Variants in MYPN observed in about 807,000 individuals in gnomAD.
The protein encoded by MYPN is sarcomeric protein myopalladin, 145 kDa (MYOP).
A neutral mutation model predicts 129.4 loss-of-function variants in MYPN; 63 were observed. The observed-to-expected ratio is 0.49, with a 90% CI of 0.40 to 0.60. The LOEUF is 0.60. Among genes scored for constraint, MYPN ranks in the 20% least tolerant of loss-of-function variants. The pLI is 0.00. For missense variants in MYPN, 1,596 were observed against 1,635.4 expected (o/e 0.98, Z 0.42); for synonymous variants, 629 against 600.9 (o/e 1.05, Z -0.68).
At chr10:68,123,683 C>CAATAAATA (rs58776013) in intron 2 of MYPN, among the ~76,000 whole-genome samples, 6,891 of 139,602 alleles carry the variant, frequency 0.049, 230 homozygotes, top group African/African-American at 0.1. Context: ...GAGACTCCTT[C>CAATAAATA]AATAAATAAA....
intron 8 of MYPN, 131 bp downstream of exon 8, chr10:68,161,883 C>T (rs1028254480): frequency 1.2e-5 from 9 of 720,392 alleles, no homozygotes; most frequent in Admixed American, 5.5e-5. Flanking sequence ...TCCAAATGGG[C>T]CGGGTGCAGT....
At chr10:68,094,964 G>A (rs1371636719) in intron 1 of MYPN, among the ~76,000 whole-genome samples, 1 of 152,172 alleles carries the variant, frequency 6.6e-6, no homozygotes, top group Non-Finnish European at 1.5e-5. Flanking sequence ...GGGAGATTGA[G>A]GCCTGAGAAT....
At chr10:68,201,695 CA>C (rs2043714511) in intron 17 of MYPN, 133 bp from the exon 18 acceptor site, 1 of 938,938 alleles carries the variant, frequency 1.1e-6, no homozygotes, top group African/African-American at 1.7e-5. Context: ...CTGAACCTGG[CA>C]GGGGAGGGGT....
chr10:68,109,625 TCTC>T lies in MYPN; in HGVS notation c.-97_-95del. 2.2e-6 allele frequency: 1 copy of T among 454,112 alleles called. No homozygotes were observed. The highest frequency in any genetic ancestry group is 4.4e-6 in the Non-Finnish European group (1 of 226,792). 28.1% of individuals were successfully genotyped at this position (454,112 alleles called of 1,614,324 possible). The stretch of plus-strand genomic sequence containing the variant: ...CCAAGGGCGTGAAGAATTTCCCTCT[TCTC>T]CTGTGCTTTCATCTAAAAGTTCTCC... On this transcript the variant is annotated 5_prime_UTR_variant, in exon 1 of 20. Coordinates refer to ENST00000358913, the MANE Select transcript of MYPN (RefSeq NM_032578.4).
chr10:68,153,818 C>T (rs1352004632), intron 6 of MYPN, among the ~76,000 whole-genome samples: 1 of 152,134 alleles, frequency 6.6e-6, no homozygotes, highest in Non-Finnish European at 1.5e-5. Flanking sequence ...TGGCTTCTTC[C>T]TGCCCTATTT....
In MYPN at chr10:68,194,409, A is replaced by T; in HGVS notation, c.2972A>T (p.His991Leu). ...AAGCAGATTTCTAAGAGAAATGAGC[A>T]CTGCAAAATGAGGCGAGAAGGAGAT... The part of the protein sequence containing the change: ...DGKQISKRNE[H>L]CKMRREGDGT... The change falls in exon 14 of 20, where the codon CAC becomes CTC. Residue 991 changes from histidine to leucine, a missense_variant. Transcript: ENST00000358913. 1 of 1,613,930 alleles carries T rather than the reference A, an allele frequency of 6.2e-7. No individual in the cohort carries two copies. The highest frequency in any genetic ancestry group is 8.5e-7 in the Non-Finnish European group (1 of 1,179,866).
At chr10:68,137,134 T>TA (rs2042499291) in intron 2 of MYPN, among the ~76,000 whole-genome samples, 1 of 152,166 alleles carries the variant, frequency 6.6e-6, no homozygotes, top group Non-Finnish European at 1.5e-5. Context: ...AAAAAATTTA[T>TA]AAAAAATAAC....
Position 68,115,329 on chromosome 10 carries a change from C to T in MYPN, c.-2+5606C>T, listed in dbSNP as rs77146400. 5.8e-3 allele frequency among the ~76,000 whole-genome samples: 871 copies of T among 150,936 alleles called. 13 individuals carry two copies. The highest frequency in any genetic ancestry group is 0.02 in the African/African-American group (821 of 41,064). ...CAGCTGAAATGTCTAAGAGAACTTA[C>T]GATTTTCTTTCCTGAAACCTGCTCC... On this transcript the variant is annotated intron_variant, in intron 1 of 19. Coordinates refer to ENST00000358913, the MANE Select transcript of MYPN (RefSeq NM_032578.4).
chr10:68,098,617 G>A (rs954685707), intron 1 of MYPN, among the ~76,000 whole-genome samples: 7 of 152,070 alleles, frequency 4.6e-5, no homozygotes, highest in Non-Finnish European at 7.4e-5. Flanking sequence ...AGGCCGAGGC[G>A]GGCGGATCAT....
At chr10:68,179,748 C>T (rs1282793073) in intron 12 of MYPN, among the ~76,000 whole-genome samples, 1 of 151,558 alleles carries the variant, frequency 6.6e-6, no homozygotes, top group Non-Finnish European at 1.5e-5. Context: ...GCAGCCTTGA[C>T]TTCTCGGGCT....
intron 6 of MYPN, among the ~76,000 whole-genome samples, chr10:68,156,019 G>A (rs2134124764): frequency 6.6e-6 from 1 of 152,308 alleles, no homozygotes; most frequent in Admixed American, 6.5e-5. Flanking sequence ...TTCTCAAGGA[G>A]ATCCTTTTGC....
chr10:68,097,415 G>A (rs139310508), intron 1 of MYPN, among the ~76,000 whole-genome samples: 135 of 152,318 alleles, frequency 8.9e-4, no homozygotes, highest in African/African-American at 3.1e-3. Flanking sequence ...TTACAGCTCA[G>A]TGCAACTGGG....
chr10:68,181,409 C>G (rs1418608157), intron 12 of MYPN, among the ~76,000 whole-genome samples: 1 of 152,104 alleles, frequency 6.6e-6, no homozygotes, highest in Non-Finnish European at 1.5e-5. Flanking sequence ...CCTGCCTCAG[C>G]CTCCTGAGTA....
intron 9 of MYPN, 83 bp from the exon 10 acceptor site, chr10:68,166,211 T>G (rs1277097622): frequency 2.6e-6 from 4 of 1,516,362 alleles, no homozygotes; most frequent in Non-Finnish European, 3.7e-6. Context: ...ATTCCTCTGG[T>G]GTGAACACTT....
chr10:68,131,996 A>G (rs772076329), intron 2 of MYPN, among the ~76,000 whole-genome samples: 21 of 151,980 alleles, frequency 1.4e-4, no homozygotes, highest in African/African-American at 1.9e-4. Context: ...ATAATCCTCT[A>G]TTTCGTATTT....
rs1272321648 is a variant in MYPN, at chr10:68,158,476, A to G, written c.1318-10A>G. 2.5e-6 allele frequency: 4 copies of G among 1,613,018 alleles called. No homozygotes were observed. In the South Asian group the frequency reaches 4.4e-5, roughly 18 times the overall value. ...TTTTTGTTCTAACTACATTCTTCTTATCATTATAGATGCTACAAAATTTGT... is the reference window on the plus strand; with the variant it reads ...TTTTTGTTCTAACTACATTCTTCTTGTCATTATAGATGCTACAAAATTTGT... On this transcript the variant is annotated splice_polypyrimidine_tract_variant and intron_variant, in intron 6 of 19. Transcript: ENST00000358913.
chr10:68,145,668 A>AACAC lies in MYPN; in HGVS notation c.1130+145_1130+146insCACA, dbSNP rs2042653707. 1.1e-5 allele frequency: 8 copies of AACAC among 718,640 alleles called. No homozygotes were observed. In the South Asian group the frequency reaches 1.2e-4, roughly 11 times the overall value. 44.5% of individuals were successfully genotyped at this position (718,640 alleles called of 1,614,324 possible). ...AAATAAATAAATAAACAAACAAACA[A>AACAC]ACAAACAAATTGAGTGGATTTGAAG... is the stretch of plus-strand genomic sequence containing the variant. On this transcript the variant is annotated intron_variant, in intron 4 of 19. Transcript: ENST00000358913.
chr10:68,158,712 T>A, intron 7 of MYPN, 85 bp downstream of exon 7: 2 of 963,662 alleles, frequency 2.1e-6, no homozygotes, highest in Non-Finnish European at 3.1e-6. Context: ...TTTTAACAAC[T>A]AATTAAAAAT....
rs749100162 is a variant in MYPN at position 68,195,433 on chromosome 10, C to T, written c.3076-17C>T. The stretch of plus-strand genomic sequence containing the variant: ...AGATTGTTCTTGTTTTAATCTTGCT[C>T]TTTTTCTGTTTGTCAGGGGAGAATC... On this transcript the variant is annotated splice_polypyrimidine_tract_variant and intron_variant, in intron 14 of 19. Coordinates refer to ENST00000358913, the MANE Select transcript of MYPN (RefSeq NM_032578.4). 1.5e-5 allele frequency: 24 copies of T among 1,612,224 alleles called. No homozygotes were observed. Among genetic ancestry groups the T allele is most frequent in the Non-Finnish European group, 1.7e-5 (20 of 1,178,484 alleles).
Sources: allele counts gnomAD v4.1 joint callset (sites outside exome capture counted in the v4.1 genomes callset), GRCh38; gene constraint gnomAD v4.1.1; transcripts MANE v1.5; gene names NCBI Gene and HGNC (gene_info 2026-07-23, HGNC 2026-07-21).